Variants in MORN4 observed in about 807,000 individuals in gnomAD.
The protein encoded by MORN4 is MORN repeat containing 4.
A neutral mutation model predicts 16.4 loss-of-function variants in MORN4; 8 were observed. That is an observed-to-expected ratio of 0.49 (90% CI 0.29 to 0.88). The LOEUF (loss-of-function observed/expected upper bound fraction) is 0.88, where lower values mean the gene tolerates loss of function less well. Ranked by LOEUF, MORN4 falls within the 40% of genes least tolerant of loss-of-function variation. The probability of loss-of-function intolerance (pLI) is 0.09; values close to 1 mark genes in which losing one functional copy is unlikely to be tolerated. For missense variants in MORN4, 159 were observed against 182.9 expected, an observed-to-expected ratio of 0.87 and a Z score of 0.75; for synonymous variants, 53 against 68.9, an observed-to-expected ratio of 0.77 and a Z score of 1.14.
Position 97,619,627 on chromosome 10 carries a change from G to A in MORN4, c.27C>T (p.Thr9=), listed in dbSNP as rs149668080. The A allele has an allele frequency of 2.4e-5, 39 of 1,613,960 alleles. No individual in the cohort carries two copies. In the African/African-American group the frequency reaches 4.3e-4, roughly 18 times the overall value. ...CACGATATTCCTCCCCACTGGAGTA[G>A]GTGAAGGAACCTTTTGTCAGGGTCA... The part of the protein sequence containing the change: MTLTKGSF[T]YSSGEEYRGE... The change falls in exon 2 of 5, where the codon ACC becomes ACT. Residue 9 remains threonine, a synonymous_variant. Transcript: ENST00000307450.
At chr10:97,618,258 C>CTTTTTTTTTTTTTTT (rs1192502394) in intron 2 of MORN4, among the ~76,000 whole-genome samples, 1 of 92,820 alleles carries the variant, frequency 1.1e-5, no homozygotes, top group Non-Finnish European at 2.0e-5. Context: ...AGCCTCTCTT[C>CTTTTTTTTTTTTTTT]TTTTTTTTTT....
At chr10:97,619,794 T>G in intron 1 of MORN4, 111 bp from the exon 2 acceptor site, 3 of 745,936 alleles carry the variant, frequency 4.0e-6, no homozygotes, top group Non-Finnish European at 6.6e-6. Flanking sequence ...AAGTGTACAC[T>G]GCCTTAGGTG....
intron 1 of MORN4, among the ~76,000 whole-genome samples, chr10:97,623,177 T>C (rs995299266): frequency 1.3e-5 from 2 of 152,150 alleles, no homozygotes; most frequent in Non-Finnish European, 2.9e-5. Flanking sequence ...GAACCTGCAG[T>C]TTTAATAAGC....
chr10:97,616,681 A>G lies in MORN4; in HGVS notation c.289T>C (p.Phe97Leu). 6.2e-7 allele frequency: 1 copy of G among 1,612,564 alleles called. No homozygotes were observed. Among genetic ancestry groups the G allele is most frequent in the Non-Finnish European group, 8.5e-7 (1 of 1,178,606 alleles). The change falls in exon 4 of 5, where the codon TTT becomes CTT. Residue 97 changes from phenylalanine (F) to leucine (L), a missense_variant. Phe to Leu is a conservative substitution (Grantham distance 22, BLOSUM62 0). Coordinates refer to ENST00000307450, the MANE Select transcript of MORN4 (RefSeq NM_178832.4). ...ATCCTGCTGGGCTGCAACTTACCAA[A>G]ACCATCTACTCTGCCATTTTTAAAT... The part of the protein sequence containing the change: ...GEFKNGRVDG[F>L]GLLTFPDGSH...
At chr10:97,622,698 A>C (rs2041311755) in intron 1 of MORN4, among the ~76,000 whole-genome samples, 1 of 150,996 alleles carries the variant, frequency 6.6e-6, no homozygotes, top group South Asian at 2.1e-4. Flanking sequence ...TGTCTCAAAA[A>C]AAAAAAAAAA....
intron 2 of MORN4, chr10:97,619,293 C>T: frequency 2.0e-6 from 1 of 511,126 alleles, no homozygotes; most frequent in Non-Finnish European, 3.5e-6. Flanking sequence ...CCACTGCACT[C>T]CAGCCTAGGC....
At chr10:97,620,120 A>G (rs1232918610) in intron 1 of MORN4, among the ~76,000 whole-genome samples, 4 of 152,048 alleles carry the variant, frequency 2.6e-5, no homozygotes, top group Non-Finnish European at 5.9e-5. Context: ...ATTAACAAAG[A>G]CATGAGATGG....
At position 97,616,659 on chromosome 10, in the gene MORN4, C is replaced by T. The variant is rs374885678; in HGVS notation, c.292+19G>A. The T allele has an allele frequency of 7.0e-5, 111 of 1,583,980 alleles. No homozygotes were observed. The African/African-American group carries it at 1.3e-3, about 19-fold the overall frequency. ...ATTATGCCCACCTAAGTCAGCCATC[C>T]TGCTGGGCTGCAACTTACCAAAACC... On this transcript the variant is annotated intron_variant, in intron 4 of 4. Coordinates refer to ENST00000307450, the MANE Select transcript of MORN4 (RefSeq NM_178832.4).
At chr10:97,617,394 T>C in intron 2 of MORN4, 72 bp from the exon 3 acceptor site, 1 of 1,095,054 alleles carries the variant, frequency 9.1e-7, no homozygotes, top group Non-Finnish European at 1.4e-6. Flanking sequence ...TCTTGTAGCA[T>C]CCCTTACCTG....
Position 97,619,643 on chromosome 10 carries a change from G to T in MORN4, c.11C>A (p.Thr4Lys). 6.2e-7 allele frequency: 1 copy of T among 1,614,094 alleles called. No individual in the cohort carries two copies. ...ACTGGAGTAGGTGAAGGAACCTTTTGTCAGGGTCATGGTGACAGATTACAG... is the reference window on the plus strand; with the variant it reads ...ACTGGAGTAGGTGAAGGAACCTTTTTTCAGGGTCATGGTGACAGATTACAG... MTL[T>K]KGSFTYSSGE... is the part of the protein sequence containing the mutation. Residue 4 changes from threonine to lysine, a missense_variant, in exon 2 of 5, where the codon ACA becomes AAA. Thr to Lys is a moderately conservative substitution (Grantham distance 78). Transcript: ENST00000307450.
rs2041229475 is a variant in MORN4, at chr10:97,615,565, A to G, written c.*698T>C. On this transcript the variant is annotated 3_prime_UTR_variant, in exon 5 of 5. Transcript: ENST00000307450. ...GTGAAACCCCGTCTCTACTAAAAAA[A>G]AATACAAAAATTAGCTGGGTGTGGT... 6.6e-6 allele frequency: 1 copy of G among 152,094 alleles called. No homozygotes were observed. Among genetic ancestry groups the G allele is most frequent in the East Asian group, 1.9e-4 (1 of 5,196 alleles). The allele number at this position is 152,094 out of a possible 1,614,324, so 9.4% of individuals were successfully genotyped here.
intron 3 of MORN4, 69 bp downstream of exon 3, chr10:97,617,139 A>C: frequency 8.5e-7 from 1 of 1,178,050 alleles, no homozygotes; most frequent in African/African-American, 1.5e-5. Context: ...CCAGATATTT[A>C]CCAGAGTCCC....
rs762906461 is a variant in MORN4, at chr10:97,633,299, C to A, written c.-31+48G>T. The A allele has an allele frequency of 7.8e-7, 1 of 1,284,628 alleles. No homozygotes were observed. The highest frequency in any genetic ancestry group is 1.2e-5 in the South Asian group (1 of 80,460). 79.6% of individuals were successfully genotyped at this position (1,284,628 alleles called of 1,614,324 possible). A position where few individuals can be genotyped will look rare whatever the true frequency, so the allele number is the denominator to read the frequency against. ...GCTCCGTTCCTCAGTGCCCACCTGA[C>A]CGATCACACTCTTTCCCGGCCCCCT... is the stretch of plus-strand genomic sequence containing the variant. On this transcript the variant is annotated intron_variant, in intron 1 of 4. Coordinates refer to ENST00000307450, the MANE Select transcript of MORN4 (RefSeq NM_178832.4). The surrounding 1 kb of genome is among the most constrained non-coding windows in gnomAD (Gnocchi z 4.5).
At chr10:97,617,804 G>A (rs2041249990) in intron 2 of MORN4, among the ~76,000 whole-genome samples, 4 of 152,132 alleles carry the variant, frequency 2.6e-5, no homozygotes, top group African/African-American at 9.6e-5. Context: ...AGGTTTCAGT[G>A]AGCTGAGATC....
intron 1 of MORN4, among the ~76,000 whole-genome samples, chr10:97,624,637 C>T (rs781391487): frequency 2.0e-5 from 3 of 152,152 alleles, no homozygotes; most frequent in South Asian, 4.1e-4. Flanking sequence ...AGACTGGTCC[C>T]GAACTCCTGG....
At chr10:97,621,946 T>C (rs1052287108) in intron 1 of MORN4, among the ~76,000 whole-genome samples, 10 of 152,276 alleles carry the variant, frequency 6.6e-5, no homozygotes, top group African/African-American at 2.2e-4. Context: ...GATAATGGAA[T>C]GTTCGCAAAG....
intron 1 of MORN4, among the ~76,000 whole-genome samples, chr10:97,621,376 C>T (rs75471713): frequency 2.6e-5 from 4 of 152,178 alleles, no homozygotes; most frequent in African/African-American, 4.8e-5. Context: ...GCGACCTCTG[C>T]GGGTTTGTGA....
Position 97,621,566 on chromosome 10 carries a change from C to CA in MORN4, c.-30-1884dup, listed in dbSNP as rs2041293950. The stretch of plus-strand genomic sequence containing the variant: ...CTCCGTTCATGACCCTACAATGTGA[C>CA]AAGGCAGATCCTCCCATTAAGAGGC... On this transcript the variant is annotated intron_variant, in intron 1 of 4. Transcript: ENST00000307450. Among the ~76,000 whole-genome samples the CA allele has an allele frequency of 2.0e-5, 3 of 152,166 alleles. No individual in the cohort carries two copies. The South Asian group carries it at 6.2e-4, about 32-fold the overall frequency.
At chr10:97,625,702 G>C (rs2041339787) in intron 1 of MORN4, among the ~76,000 whole-genome samples, 2 of 152,310 alleles carry the variant, frequency 1.3e-5, no homozygotes, top group South Asian at 2.1e-4. Context: ...ACAAACTATA[G>C]TTGCCACCCA....
Sources: allele counts gnomAD v4.1 joint callset (sites outside exome capture counted in the v4.1 genomes callset), GRCh38; gene constraint gnomAD v4.1.1; non-coding constraint Gnocchi (gnomAD v3.1); transcripts MANE v1.5; gene names NCBI Gene and HGNC (gene_info 2026-07-23, HGNC 2026-07-21).